ESRRG: variants seen among roughly 807,000 people sequenced by gnomAD.
ESRRG encodes estrogen related receptor gamma.
In ESRRG, 13 loss-of-function variants were observed where a neutral mutation model predicts 44.0. That is an observed-to-expected ratio of 0.30 (90% CI 0.19 to 0.47). The LOEUF is 0.47. ESRRG is among the 20% of genes least tolerant of loss of function. ESRRG has a pLI of 1.00. For synonymous variants in ESRRG, 215 were observed against 214.6 expected (o/e 1.00, Z -0.02); for missense variants, 395 against 580.6 (o/e 0.68, Z 3.29).
chr1:216,576,600 T>C (rs1253286071), intron 3 of ESRRG, among the ~76,000 whole-genome samples: 4 of 152,052 alleles, frequency 2.6e-5, no homozygotes, highest in African/African-American at 9.7e-5. Flanking sequence ...AAGAAGTCTC[T>C]TCTTCTATTT....
At chr1:216,691,507 A>G (rs545647536) in intron 1 of ESRRG, among the ~76,000 whole-genome samples, 2 of 152,338 alleles carry the variant, frequency 1.3e-5, no homozygotes, top group African/African-American at 2.4e-5. Flanking sequence ...AAGGAAATAA[A>G]TCATAGAGCA....
intron 1 of ESRRG, among the ~76,000 whole-genome samples, chr1:217,050,697 G>A (rs2085791525): frequency 6.6e-6 from 1 of 152,132 alleles, no homozygotes. Context: ...CCACATCTCT[G>A]TTCTCTTAGC....
intron 3 of ESRRG, among the ~76,000 whole-genome samples, chr1:216,633,426 A>G (rs1045137752): frequency 1.3e-5 from 2 of 152,218 alleles, no homozygotes; most frequent in Non-Finnish European, 2.9e-5. Context: ...TGTCATTTGC[A>G]ATATTATATG....
chr1:216,578,147 A>G (rs1294250098), intron 3 of ESRRG, among the ~76,000 whole-genome samples: 2 of 152,078 alleles, frequency 1.3e-5, no homozygotes, highest in Non-Finnish European at 2.9e-5. Flanking sequence ...GTCATGTGTA[A>G]AGAGAATTAT....
intron 1 of ESRRG, among the ~76,000 whole-genome samples, chr1:217,130,366 C>T (rs1410430921): frequency 6.6e-6 from 1 of 152,046 alleles, no homozygotes; most frequent in Non-Finnish European, 1.5e-5. Flanking sequence ...CTGAGTAGCT[C>T]GGACTACAGG....
chr1:217,027,395 A>G (rs1304455158), intron 1 of ESRRG, among the ~76,000 whole-genome samples: 2 of 152,166 alleles, frequency 1.3e-5, no homozygotes, highest in Non-Finnish European at 1.5e-5. Context: ...CGTTACATGC[A>G]TTCTTCAGCC....
chr1:217,011,442 C>T (rs2078597691), intron 1 of ESRRG, among the ~76,000 whole-genome samples: 1 of 152,210 alleles, frequency 6.6e-6, no homozygotes, highest in South Asian at 2.1e-4. Context: ...TGAATCATTG[C>T]ACTGGCTCTG....
At chr1:216,638,344 G>A (rs368733140) in intron 3 of ESRRG, among the ~76,000 whole-genome samples, 2 of 152,110 alleles carry the variant, frequency 1.3e-5, no homozygotes, top group East Asian at 3.9e-4. Context: ...CAGCTAGTAA[G>A]TAGTAAACCT....
intron 1 of ESRRG, among the ~76,000 whole-genome samples, chr1:216,678,459 T>C (rs2076484352): frequency 6.6e-6 from 1 of 152,200 alleles, no homozygotes; most frequent in Non-Finnish European, 1.5e-5. Flanking sequence ...AATATATTTG[T>C]GATGGTCCTT....
At chr1:216,844,173 GA>G (rs139039866) in intron 2 of ESRRG, among the ~76,000 whole-genome samples, 7,103 of 152,120 alleles carry the variant, frequency 0.047, 405 homozygotes, top group Admixed American at 0.14. Flanking sequence ...GATAGCACTT[GA>G]AATTCATTAC....
At chr1:216,661,580 G>T (rs574329835) in intron 2 of ESRRG, among the ~76,000 whole-genome samples, 1 of 152,046 alleles carries the variant, frequency 6.6e-6, no homozygotes, top group Non-Finnish European at 1.5e-5. Flanking sequence ...GACCAGTTAG[G>T]GGCATTTGGA....
At chr1:216,679,247 C>T (rs1186507363) in intron 1 of ESRRG, among the ~76,000 whole-genome samples, 2 of 152,206 alleles carry the variant, frequency 1.3e-5, no homozygotes, top group African/African-American at 4.8e-5. Flanking sequence ...GGCGTCCTCT[C>T]TCTTCTGCAT....
chr1:216,766,569 T>C (rs1244558005), intron 2 of ESRRG, among the ~76,000 whole-genome samples: 1 of 152,038 alleles, frequency 6.6e-6, no homozygotes, highest in African/African-American at 2.4e-5. Context: ...GCACACTCGA[T>C]AGGTTTCAGT....
intron 2 of ESRRG, among the ~76,000 whole-genome samples, chr1:216,824,368 C>A (rs186785784): frequency 5.3e-5 from 8 of 152,094 alleles, no homozygotes; most frequent in African/African-American, 1.4e-4. Flanking sequence ...ATCACTTGAA[C>A]AGGGGAGGGG....
At chr1:216,512,831 G>C (rs961885977) in intron 6 of ESRRG, among the ~76,000 whole-genome samples, 12 of 152,106 alleles carry the variant, frequency 7.9e-5, no homozygotes, top group Non-Finnish European at 1.8e-4. Context: ...TATTCAGGTG[G>C]GCCCTCAATG....
intron 2 of ESRRG, among the ~76,000 whole-genome samples, chr1:216,737,634 A>G (rs1480929194): frequency 3.9e-5 from 6 of 152,158 alleles, no homozygotes; most frequent in Admixed American, 6.5e-5. Context: ...GTGTAAAGGA[A>G]GTGTATGTAA....
chr1:216,513,660 C>A (rs1420705799), intron 6 of ESRRG, among the ~76,000 whole-genome samples: 1 of 152,112 alleles, frequency 6.6e-6, no homozygotes, highest in Admixed American at 6.6e-5. Context: ...CTTCAGGCTT[C>A]TTACAAGTCC....
chr1:216,559,621 A>C (rs978631805), intron 5 of ESRRG, among the ~76,000 whole-genome samples: 1 of 152,226 alleles, frequency 6.6e-6, no homozygotes, highest in African/African-American at 2.4e-5. Flanking sequence ...CATAGTTTAC[A>C]TTATAAACGG....
At chr1:216,811,996 C>T (rs1056488227) in intron 2 of ESRRG, among the ~76,000 whole-genome samples, 23 of 152,054 alleles carry the variant, frequency 1.5e-4, no homozygotes, top group African/African-American at 4.3e-4. Flanking sequence ...GGCACACGGC[C>T]GGCCACTGTC....
Sources: allele counts gnomAD v4.1 joint callset (sites outside exome capture counted in the v4.1 genomes callset), GRCh38; gene constraint gnomAD v4.1.1; transcripts MANE v1.5; gene names NCBI Gene and HGNC (gene_info 2026-07-23, HGNC 2026-07-21).